The following IMMP2L variants were observed in gnomAD, a reference collection of about 807,000 sequenced individuals.
IMMP2L encodes inner mitochondrial membrane peptidase subunit 2.
IMMP2L carries 18 observed loss-of-function variants against 19.3 expected under a neutral mutation model. The ratio of observed to expected loss-of-function variants is 0.93; its 90% CI spans 0.64 to 1.38. IMMP2L has a LOEUF of 1.38. Ranked by LOEUF, IMMP2L falls within the 40% of genes most tolerant of loss-of-function variation. The pLI is 0.00. For synonymous variants in IMMP2L, 76 were observed against 73.0 expected (o/e 1.04, Z -0.21); for missense variants, 233 against 218.2 (o/e 1.07, Z -0.43).
intron 5 of IMMP2L, among the ~76,000 whole-genome samples, chr7:110,765,365 C>G (rs1431119936): frequency 1.3e-5 from 2 of 152,124 alleles, no homozygotes; most frequent in Admixed American, 6.6e-5. Context: ...GACAAGATTA[C>G]TAATGAGATT....
chr7:111,066,971 A>G (rs1321542590), intron 3 of IMMP2L, among the ~76,000 whole-genome samples: 2 of 152,178 alleles, frequency 1.3e-5, no homozygotes, highest in Admixed American at 6.5e-5. Flanking sequence ...CCCAAGACCT[A>G]GGTAAGCTCC....
intron 3 of IMMP2L, among the ~76,000 whole-genome samples, chr7:111,156,242 G>T (rs1008129122): frequency 1.3e-5 from 2 of 152,054 alleles, no homozygotes; most frequent in African/African-American, 4.8e-5. Flanking sequence ...GGTCATAGGA[G>T]ATGCTTAAGT....
chr7:111,271,095 T>C (rs1818412967), intron 3 of IMMP2L, among the ~76,000 whole-genome samples: 2 of 152,172 alleles, frequency 1.3e-5, no homozygotes. Flanking sequence ...GTTACCCTCA[T>C]GCTGTTCTTA....
chr7:110,969,186 G>T (rs1487604878), intron 3 of IMMP2L, among the ~76,000 whole-genome samples: 1 of 151,924 alleles, frequency 6.6e-6, no homozygotes, highest in African/African-American at 2.4e-5. Context: ...TTTAGTTTTG[G>T]ATTCTGTACA....
At chr7:110,704,963 T>A (rs1002047620) in intron 5 of IMMP2L, among the ~76,000 whole-genome samples, 4 of 152,130 alleles carry the variant, frequency 2.6e-5, no homozygotes, top group African/African-American at 9.7e-5. Flanking sequence ...CACCTCTGTT[T>A]GAAAAAAGTC....
At chr7:111,077,427 A>C (rs1033235253) in intron 3 of IMMP2L, among the ~76,000 whole-genome samples, 1 of 152,240 alleles carries the variant, frequency 6.6e-6, no homozygotes, top group African/African-American at 2.4e-5. Context: ...TCCACATAGC[A>C]GCACCACTGT....
chr7:110,892,776 A>G (rs770180232), intron 4 of IMMP2L, among the ~76,000 whole-genome samples: 10 of 152,166 alleles, frequency 6.6e-5, no homozygotes, highest in Non-Finnish European at 1.3e-4. Flanking sequence ...TTGGGGTATA[A>G]TTTACATGAA....
intron 3 of IMMP2L, among the ~76,000 whole-genome samples, chr7:111,064,495 ACT>A (rs1586040681): frequency 6.6e-6 from 1 of 152,280 alleles, no homozygotes; most frequent in East Asian, 1.9e-4. Flanking sequence ...AAAATATGAT[ACT>A]GTTTCTCCCA....
intron 3 of IMMP2L, among the ~76,000 whole-genome samples, chr7:111,388,524 T>G (rs760698872): frequency 1.3e-5 from 2 of 152,094 alleles, no homozygotes; most frequent in Admixed American, 1.3e-4. Context: ...AATGTACATA[T>G]GTATTAGTCC....
chr7:111,329,682 T>TAGGCA (rs1825686612), intron 3 of IMMP2L, among the ~76,000 whole-genome samples: 1 of 149,838 alleles, frequency 6.7e-6, no homozygotes, highest in Non-Finnish European at 1.5e-5. Context: ...ACAGGAGAGG[T>TAGGCA]TTCTTTGGAA....
intron 3 of IMMP2L, among the ~76,000 whole-genome samples, chr7:111,059,738 T>C (rs1465851955): frequency 6.6e-6 from 1 of 152,132 alleles, no homozygotes; most frequent in East Asian, 1.9e-4. Flanking sequence ...GACCACAAAG[T>C]AAATTCTCCC....
At chr7:111,392,096 T>C (rs1175076452) in intron 3 of IMMP2L, 1 of 651,852 alleles carries the variant, frequency 1.5e-6, no homozygotes, top group African/African-American at 1.8e-5. Flanking sequence ...AACTATATTT[T>C]CTCTTTGGCT....
chr7:110,878,980 T>C (rs1283561136), intron 5 of IMMP2L, among the ~76,000 whole-genome samples: 1 of 152,180 alleles, frequency 6.6e-6, no homozygotes, highest in Non-Finnish European at 1.5e-5. Context: ...TTTAGACATG[T>C]AGTATTTAGA....
intron 3 of IMMP2L, among the ~76,000 whole-genome samples, chr7:111,377,390 T>C (rs1023521781): frequency 1.3e-5 from 2 of 152,012 alleles, no homozygotes; most frequent in Admixed American, 6.6e-5. Context: ...TACAGCTCTG[T>C]AGTATAGCAT....
At chr7:111,155,582 G>A (rs1274841287) in intron 3 of IMMP2L, among the ~76,000 whole-genome samples, 1 of 151,458 alleles carries the variant, frequency 6.6e-6, no homozygotes, top group Non-Finnish European at 1.5e-5. Context: ...ATATTCCTCT[G>A]TCTCTCTGTC....
At chr7:111,288,801 C>T (rs750992004) in intron 3 of IMMP2L, among the ~76,000 whole-genome samples, 9 of 152,088 alleles carry the variant, frequency 5.9e-5, no homozygotes, top group Non-Finnish European at 1.0e-4. Flanking sequence ...GAAATAGGAA[C>T]GCTTTTACAC....
chr7:111,463,349 G>A (rs1437756926), intron 3 of IMMP2L, among the ~76,000 whole-genome samples: 1 of 152,054 alleles, frequency 6.6e-6, no homozygotes, highest in Non-Finnish European at 1.5e-5. Context: ...GTGACATGCT[G>A]GTTAATCTCT....
At chr7:110,871,907 G>A (rs554016370) in intron 5 of IMMP2L, among the ~76,000 whole-genome samples, 11 of 152,148 alleles carry the variant, frequency 7.2e-5, no homozygotes, top group Middle Eastern at 3.4e-3. Flanking sequence ...GATTGAGGAG[G>A]CATAGTAGAT....
At chr7:111,410,007 G>A (rs192744189) in intron 3 of IMMP2L, among the ~76,000 whole-genome samples, 9 of 151,884 alleles carry the variant, frequency 5.9e-5, no homozygotes, top group Admixed American at 5.9e-4. Flanking sequence ...CACTGGGATG[G>A]CTGGAATTTG....
Sources: gnomAD v4.1 joint callset for allele counts (sites outside exome capture counted in the v4.1 genomes callset) on GRCh38, gnomAD v4.1.1 for gene constraint, MANE v1.5 for transcripts, NCBI Gene and HGNC (gene_info 2026-07-23, HGNC 2026-07-21) for gene names.